The following COL11A1 variants were observed in gnomAD, a reference collection of about 807,000 sequenced individuals.
COL11A1 encodes collagen alpha-1(XI) chain.
COL11A1 carries 74 observed loss-of-function variants against 265.2 expected under a neutral mutation model. The observed-to-expected ratio is 0.28, with a 90% CI of 0.23 to 0.34. COL11A1 has a LOEUF of 0.34. Among genes scored for constraint, COL11A1 ranks in the 10% least tolerant of loss-of-function variants. The pLI is 1.00. For missense variants in COL11A1, 2,165 were observed against 2,263.6 expected (o/e 0.96, Z 0.88); for synonymous variants, 816 against 727.6 (o/e 1.12, Z -1.96).
At chr1:102,968,641 C>A (rs1661663496) in intron 37 of COL11A1, among the ~76,000 whole-genome samples, 1 of 152,074 alleles carries the variant, frequency 6.6e-6, no homozygotes, top group South Asian at 2.1e-4. Flanking sequence ...TCTGGGTCAG[C>A]AGAGAACAAA....
chr1:103,067,148 A>C (rs1422430370), intron 4 of COL11A1, among the ~76,000 whole-genome samples: 3 of 152,110 alleles, frequency 2.0e-5, no homozygotes. Context: ...GGAAAGATCT[A>C]AGTGACATTT....
intron 29 of COL11A1, among the ~76,000 whole-genome samples, chr1:102,989,082 A>G (rs1055224529): frequency 6.6e-6 from 1 of 152,146 alleles, no homozygotes; most frequent in African/African-American, 2.4e-5. Flanking sequence ...ACATTCAAAA[A>G]TTGAACACCA....
chr1:103,097,239 T>C (rs1673850357), intron 1 of COL11A1, among the ~76,000 whole-genome samples: 1 of 152,006 alleles, frequency 6.6e-6, no homozygotes. Flanking sequence ...CAGAAAAATC[T>C]ATCTTTATGA....
intron 42 of COL11A1, among the ~76,000 whole-genome samples, chr1:102,946,336 C>T (rs1029178009): frequency 3.3e-5 from 5 of 151,644 alleles, no homozygotes; most frequent in African/African-American, 1.2e-4. Flanking sequence ...ATAAACCCCC[C>T]CCCAAAAAAT....
At chr1:102,917,307 C>G (rs982503621) in intron 49 of COL11A1, among the ~76,000 whole-genome samples, 2 of 151,926 alleles carry the variant, frequency 1.3e-5, no homozygotes, top group Non-Finnish European at 2.9e-5. Flanking sequence ...AAACTAGACT[C>G]CTATCTCTTA....
At chr1:102,982,086 A>T (rs1170367343) in intron 31 of COL11A1, among the ~76,000 whole-genome samples, 2 of 151,970 alleles carry the variant, frequency 1.3e-5, no homozygotes. Context: ...ATTTTAGAAC[A>T]GAGAAACTTT....
intron 64 of COL11A1, among the ~76,000 whole-genome samples, chr1:102,882,727 G>C: frequency 6.6e-6 from 1 of 151,982 alleles, no homozygotes; most frequent in South Asian, 2.1e-4. Context: ...TCAGTGTACT[G>C]GTAATAATGT....
intron 36 of COL11A1, among the ~76,000 whole-genome samples, chr1:102,973,736 C>A (rs1386530716): frequency 6.6e-6 from 1 of 152,076 alleles, no homozygotes; most frequent in Non-Finnish European, 1.5e-5. Context: ...CTTTCTATAA[C>A]CTTGTAATAC....
At chr1:103,030,028 G>C (rs1360883580) in intron 5 of COL11A1, among the ~76,000 whole-genome samples, 1 of 151,892 alleles carries the variant, frequency 6.6e-6, no homozygotes, top group Admixed American at 6.6e-5. Flanking sequence ...TATTAAGTCA[G>C]CACATAACCT....
At chr1:102,908,567 A>G (rs914571311) in intron 54 of COL11A1, among the ~76,000 whole-genome samples, 2 of 152,100 alleles carry the variant, frequency 1.3e-5, no homozygotes, top group Non-Finnish European at 2.9e-5. Context: ...TAGATGAGGT[A>G]TATTTAATCT....
At chr1:102,956,545 CAAATAACTTTTTATTGAAGTA>C (rs759566595) in intron 41 of COL11A1, among the ~76,000 whole-genome samples, 9 of 151,782 alleles carry the variant, frequency 5.9e-5, no homozygotes, top group Non-Finnish European at 1.3e-4. Context: ...AACAGGTAAG[CAAATAACTTTTTATTGAAGTA>C]AAATGGAGCC....
chr1:103,051,541 C>T (rs537891248), intron 4 of COL11A1, among the ~76,000 whole-genome samples: 7 of 152,318 alleles, frequency 4.6e-5, no homozygotes, highest in African/African-American at 1.4e-4. Flanking sequence ...TCCCTGACCC[C>T]TTGTGCTTCC....
At chr1:103,034,295 C>T (rs541768711) in intron 4 of COL11A1, among the ~76,000 whole-genome samples, 2 of 151,914 alleles carry the variant, frequency 1.3e-5, no homozygotes, top group Non-Finnish European at 2.9e-5. Context: ...GTTTTCTGCC[C>T]TTACTTTTTC....
At chr1:103,066,092 A>T (rs1186902326) in intron 4 of COL11A1, among the ~76,000 whole-genome samples, 1 of 152,166 alleles carries the variant, frequency 6.6e-6, no homozygotes, top group Non-Finnish European at 1.5e-5. Flanking sequence ...CTCACATATA[A>T]GAAAACTAAG....
In COL11A1 at chr1:103,004,617, A is replaced by C; in HGVS notation, c.1890T>G (p.Asp630Glu). ...PQGPPGPPGDDGMRGEDGEIG... is the reference protein window; with the variant it reads ...PQGPPGPPGDEGMRGEDGEIG... The stretch of plus-strand genomic sequence containing the variant: ...AGAAGTATTAACATACCCTCATTCC[A>C]TCATCACCAGGAGGACCTGGAGGAC... Residue 630 changes from aspartate (D) to glutamate (E), a missense_variant, in exon 19 of 67, where the codon GAT becomes GAG. Transcript: ENST00000370096. The C allele has an allele frequency of 3.7e-6, 6 of 1,610,474 alleles. No homozygotes were observed. Among genetic ancestry groups the C allele is most frequent in the Non-Finnish European group, 5.1e-6 (6 of 1,178,384 alleles).
rs745948665 is a variant in COL11A1 at position 102,965,553 on chromosome 1, A to G, written c.2863-13T>C. ...TGCCTTGAAATCCCTAAGGAGGCAA[A>G]GTATTATTTGTAAAAGCTACATACA... On this transcript the variant is annotated splice_polypyrimidine_tract_variant and intron_variant, in intron 37 of 66. Coordinates refer to ENST00000370096, the MANE Select transcript of COL11A1 (RefSeq NM_001854.4). 1.9e-6 allele frequency: 3 copies of G among 1,612,022 alleles called. No homozygotes were observed. The highest frequency in any genetic ancestry group is 2.2e-5 in the South Asian group (2 of 91,012).
chr1:102,877,971 G>A lies in COL11A1; in HGVS notation c.*48C>T, dbSNP rs1649695174. On this transcript the variant is annotated 3_prime_UTR_variant, in exon 67 of 67. Transcript: ENST00000370096. ...GCATGTGGCACAAAATGGGTTGGTGGCACCAAGGTATATTTTCTGTTGATT... is the reference window on the plus strand; with the variant it reads ...GCATGTGGCACAAAATGGGTTGGTGACACCAAGGTATATTTTCTGTTGATT... 6.2e-7 allele frequency: 1 copy of A among 1,601,182 alleles called. No individual in the cohort carries two copies. The highest frequency in any genetic ancestry group is 8.6e-7 in the Non-Finnish European group (1 of 1,169,240).
intron 31 of COL11A1, among the ~76,000 whole-genome samples, chr1:102,983,332 G>A (rs1221699674): frequency 6.6e-6 from 1 of 151,950 alleles, no homozygotes; most frequent in Non-Finnish European, 1.5e-5. Context: ...CAAATCTATG[G>A]AATCTGTGAA....
chr1:102,996,479 AATT>A (rs1446878113), intron 26 of COL11A1, among the ~76,000 whole-genome samples: 3 of 151,880 alleles, frequency 2.0e-5, no homozygotes, highest in Admixed American at 6.6e-5. Context: ...ATATAATCAA[AATT>A]ATATATCTTC....
Sources: gnomAD v4.1 joint callset for allele counts (sites outside exome capture counted in the v4.1 genomes callset) on GRCh38, gnomAD v4.1.1 for gene constraint, MANE v1.5 for transcripts, NCBI Gene and HGNC (gene_info 2026-07-23, HGNC 2026-07-21) for gene names.